The following DAAM2 variants were observed in gnomAD, a reference collection of about 807,000 sequenced individuals.
DAAM2 encodes the protein disheveled-associated activator of morphogenesis 2.
In DAAM2, 39 loss-of-function variants were observed where a neutral mutation model predicts 120.7. The observed-to-expected ratio is 0.32, with a 90% CI of 0.25 to 0.42. DAAM2 has a LOEUF of 0.42. Among genes scored for constraint, DAAM2 ranks in the 10% least tolerant of loss-of-function variants. DAAM2 has a pLI of 1.00. For missense variants in DAAM2, 1,283 were observed against 1,401.7 expected, an observed-to-expected ratio of 0.92 and a Z score of 1.35; for synonymous variants, 488 against 524.9, an observed-to-expected ratio of 0.93 and a Z score of 0.96.
At chr6:39,809,970 AC>A (rs1350240965) in intron 1 of DAAM2, among the ~76,000 whole-genome samples, 3 of 152,256 alleles carry the variant, frequency 2.0e-5, no homozygotes, top group South Asian at 2.1e-4. Context: ...TTAGAATGGA[AC>A]CTTTGTCTTT....
intron 5 of DAAM2, 159 bp from the exon 6 acceptor site, chr6:39,867,348 AGAT>A: frequency 1.6e-6 from 1 of 632,906 alleles, no homozygotes; most frequent in South Asian, 2.0e-5. Context: ...TCTTTTGTGA[AGAT>A]GATAGGATTT....
At position 39,891,739 on chromosome 6, in the gene DAAM2, C is replaced by T. The variant is rs1267910173; in HGVS notation, c.2341+17C>T. 1 of 1,583,124 alleles carries T rather than the reference C, an allele frequency of 6.3e-7. No individual in the cohort carries two copies. Among genetic ancestry groups the T allele is most frequent in the African/African-American group, 1.3e-5 (1 of 74,240 alleles). ...AAGTGGAAGGTAGGGCTGAGGGTTGCAGGAGGCTTAGAGTGGAGAGTTATC... is the reference window on the plus strand; with the variant it reads ...AAGTGGAAGGTAGGGCTGAGGGTTGTAGGAGGCTTAGAGTGGAGAGTTATC... On this transcript the variant is annotated intron_variant, in intron 19 of 24. Transcript: ENST00000274867.
chr6:39,799,331 T>C (rs1002255439), intron 1 of DAAM2, among the ~76,000 whole-genome samples: 1 of 152,230 alleles, frequency 6.6e-6, no homozygotes, highest in Non-Finnish European at 1.5e-5. Flanking sequence ...TGATTTGGTA[T>C]GTGCCAAGAG....
chr6:39,857,854 A>T (rs1197745437), intron 2 of DAAM2, among the ~76,000 whole-genome samples: 1 of 152,064 alleles, frequency 6.6e-6, no homozygotes, highest in Non-Finnish European at 1.5e-5. Flanking sequence ...GAGATGAGCC[A>T]CCAGAGACCT....
intron 7 of DAAM2, 80 bp downstream of exon 7, chr6:39,869,013 A>G: frequency 9.2e-7 from 1 of 1,085,700 alleles, no homozygotes; most frequent in Non-Finnish European, 1.4e-6. Context: ...TTGCTTCCCC[A>G]ATAATTGTTT....
chr6:39,890,647 A>C (rs1454874262), intron 17 of DAAM2, among the ~76,000 whole-genome samples: 1 of 152,230 alleles, frequency 6.6e-6, no homozygotes, highest in Non-Finnish European at 1.5e-5. Context: ...AATGTTCTCT[A>C]TCTTAATCTG....
Position 39,803,038 on chromosome 6 carries a change from G to A in DAAM2, c.-57+10573G>A, listed in dbSNP as rs530974291. Among the ~76,000 whole-genome samples the A allele has an allele frequency of 9.2e-4, 133 of 144,368 alleles. 1 individual carries two copies. The South Asian group carries it at 0.024, about 26-fold the overall frequency. The allele number at this position is 144,368 out of a possible 152,430, so 94.7% of individuals were successfully genotyped here. On this transcript the variant is annotated intron_variant, in intron 1 of 24. Coordinates refer to ENST00000274867, the MANE Select transcript of DAAM2 (RefSeq NM_001201427.2). Reference sequence around the variant, plus strand: ...GTAGATCATTCATTCTCATTGTTGCGTAGTAGTCCATTATGTGAATACAAC... The same window carrying A: ...GTAGATCATTCATTCTCATTGTTGCATAGTAGTCCATTATGTGAATACAAC...
chr6:39,818,971 C>G (rs1344623339), intron 1 of DAAM2: 1 of 152,144 alleles, frequency 6.6e-6, no homozygotes, highest in African/African-American at 2.4e-5. Context: ...TGTTCCACAC[C>G]CTTTTTCAGT....
intron 6 of DAAM2, 126 bp from the exon 7 acceptor site, chr6:39,868,697 C>A: frequency 1.4e-6 from 1 of 698,750 alleles, no homozygotes; most frequent in South Asian, 1.8e-5. Flanking sequence ...ATTGGACAGA[C>A]CTGATTGGGT....
intron 1 of DAAM2, among the ~76,000 whole-genome samples, chr6:39,846,821 T>C (rs1332355292): frequency 1.3e-5 from 2 of 152,162 alleles, no homozygotes; most frequent in Admixed American, 1.3e-4. Context: ...TTACAGCTCT[T>C]AGCATGGTAC....
Position 39,795,914 on chromosome 6 carries a change from G to A in DAAM2, c.-57+3449G>A, listed in dbSNP as rs908573533. On this transcript the variant is annotated intron_variant, in intron 1 of 24. Transcript: ENST00000274867. ...AGAGCAGGTTGTATAAGTATGGTGG[G>A]GAGGGGAAAGGTAGGGAGGTGGGGG... Among the ~76,000 whole-genome samples, 3 of 152,142 alleles carry A rather than the reference G, an allele frequency of 2.0e-5. No homozygotes were observed. In the South Asian group the frequency reaches 6.2e-4, roughly 32 times the overall value.
intron 17 of DAAM2, among the ~76,000 whole-genome samples, chr6:39,890,542 G>T (rs1765649071): frequency 6.6e-6 from 1 of 152,170 alleles, no homozygotes; most frequent in Non-Finnish European, 1.5e-5. Flanking sequence ...TCAAGGACAG[G>T]CAAATCTGGC....
In DAAM2 at chr6:39,904,162, G is replaced by A; in HGVS notation, c.*2125G>A. The A allele has an allele frequency of 2.2e-6, 1 of 456,396 alleles. No homozygotes were observed. Among genetic ancestry groups the A allele is most frequent in the Non-Finnish European group, 4.4e-6 (1 of 226,888 alleles). 28.3% of individuals were successfully genotyped at this position (456,396 alleles called of 1,614,324 possible). On this transcript the variant is annotated 3_prime_UTR_variant, in exon 25 of 25. Transcript: ENST00000274867. Reference sequence around the variant, plus strand: ...ACGCACCTGGAAACAAAAGGACTATGGAAGCTGTTCAAGATACATTTGATC... The same window carrying A: ...ACGCACCTGGAAACAAAAGGACTATAGAAGCTGTTCAAGATACATTTGATC...
At chr6:39,803,518 G>T (rs1200404148) in intron 1 of DAAM2, among the ~76,000 whole-genome samples, 3 of 152,198 alleles carry the variant, frequency 2.0e-5, no homozygotes, top group Non-Finnish European at 4.4e-5. Context: ...ATGAGATGGG[G>T]AGTGGGAGTA....
chr6:39,855,854 G>A (rs759705334), intron 1 of DAAM2, among the ~76,000 whole-genome samples: 15 of 152,182 alleles, frequency 9.9e-5, no homozygotes, highest in Non-Finnish European at 2.1e-4. Context: ...GTGAGTAAGT[G>A]AGCCTTGCTG....
At chr6:39,818,478 G>A (rs577940243) in intron 1 of DAAM2, among the ~76,000 whole-genome samples, 2 of 152,318 alleles carry the variant, frequency 1.3e-5, no homozygotes, top group South Asian at 4.1e-4. Context: ...TGACGTTAAT[G>A]CATTCTACTA....
intron 1 of DAAM2, among the ~76,000 whole-genome samples, chr6:39,852,834 G>A (rs1220278816): frequency 6.6e-6 from 1 of 152,214 alleles, no homozygotes; most frequent in East Asian, 1.9e-4. Context: ...CTAGGAAGCT[G>A]GAGTGAAAGA....
chr6:39,852,660 C>A (rs375426417), intron 1 of DAAM2, among the ~76,000 whole-genome samples: 4 of 152,220 alleles, frequency 2.6e-5, no homozygotes, highest in Non-Finnish European at 4.4e-5. Flanking sequence ...TCCTGTACTC[C>A]TCACTGAAAC....
At chr6:39,844,044 T>A (rs1308295356) in intron 1 of DAAM2, among the ~76,000 whole-genome samples, 2 of 152,160 alleles carry the variant, frequency 1.3e-5, no homozygotes, top group Non-Finnish European at 1.5e-5. Context: ...CTTAATTTCC[T>A]TATATGTAAA....
Sources: allele counts gnomAD v4.1 joint callset (sites outside exome capture counted in the v4.1 genomes callset), GRCh38; gene constraint gnomAD v4.1.1; transcripts MANE v1.5; gene names NCBI Gene and HGNC (gene_info 2026-07-23, HGNC 2026-07-21).